Variants in LINC00632 observed in about 807,000 individuals in gnomAD.
The protein encoded by LINC00632 is ALDOA related specific transcript.
chrX:140,788,247 G>A (rs1002120590), exon 5 of LINC00632, among the ~76,000 whole-genome samples: 10 of 110,147 alleles, frequency 9.1e-5, no homozygotes, highest in African/African-American at 2.6e-4. Context: ...TCTAGTACTC[G>A]TGTGTTGGGT....
chrX:140,729,317 T>A (rs1262035211), intron 2 of LINC00632, among the ~76,000 whole-genome samples: 1 of 109,464 alleles, frequency 9.1e-6, no homozygotes, highest in Non-Finnish European at 1.9e-5. Context: ...GGACCGCAAG[T>A]TCCAGAAATG....
intron 3 of LINC00632, among the ~76,000 whole-genome samples, chrX:140,742,858 AG>A (rs1931248599): frequency 1.1e-5 from 1 of 94,123 alleles, no homozygotes; most frequent in Admixed American, 1.2e-4. Flanking sequence ...AGAGAGAGAG[AG>A]AGAGAGAGAG....
At chrX:140,743,506 G>A (rs1297276581) in intron 3 of LINC00632, among the ~76,000 whole-genome samples, 2 of 110,096 alleles carry the variant, frequency 1.8e-5, no homozygotes, top group Admixed American at 2.0e-4. Flanking sequence ...GAATAGTAAT[G>A]CATTTCACTT....
intron 3 of LINC00632, among the ~76,000 whole-genome samples, chrX:140,736,684 C>T (rs182972277): frequency 9.2e-5 from 10 of 108,961 alleles, no homozygotes; most frequent in African/African-American, 3.3e-4. Context: ...ATCCGCCCAT[C>T]TAGGCCTCCC....
intron 3 of LINC00632, among the ~76,000 whole-genome samples, chrX:140,749,275 C>T (rs1931375472): frequency 8.9e-6 from 1 of 111,742 alleles, no homozygotes; most frequent in South Asian, 3.7e-4. Context: ...CTAGATGTTA[C>T]ATTCCAGATA....
chrX:140,720,403 C>G (rs1569347633), intron 2 of LINC00632, among the ~76,000 whole-genome samples: 1 of 111,163 alleles, frequency 9.0e-6, no homozygotes, highest in Non-Finnish European at 1.9e-5. Context: ...CTAGAATGAC[C>G]CCCCAGAAAC....
chrX:140,724,503 C>A (rs1251612461), intron 2 of LINC00632, among the ~76,000 whole-genome samples: 22 of 98,188 alleles, frequency 2.2e-4, no homozygotes, highest in African/African-American at 7.8e-4. Context: ...TCCATACACA[C>A]ACACATTCCA....
exon 5 of LINC00632, among the ~76,000 whole-genome samples, chrX:140,778,595 C>T (rs1462626937): frequency 9.8e-5 from 10 of 101,965 alleles, no homozygotes; most frequent in African/African-American, 3.7e-4. Flanking sequence ...CAGGATGAGA[C>T]TCTGTCTAAA....
At chrX:140,740,545 GT>G (rs1443928467) in intron 3 of LINC00632, among the ~76,000 whole-genome samples, 4 of 105,257 alleles carry the variant, frequency 3.8e-5, no homozygotes, top group South Asian at 4.2e-4. Flanking sequence ...CAAAGTGAAT[GT>G]TTTTTTTTTG....
chrX:140,715,109 A>G (rs1042254065), intron 2 of LINC00632, among the ~76,000 whole-genome samples: 16 of 111,330 alleles, frequency 1.4e-4, no homozygotes, highest in Non-Finnish European at 2.8e-4. Flanking sequence ...GGCTGTAGAG[A>G]CACCTAATCT....
chrX:140,763,538 A>G (rs1931635542), intron 3 of LINC00632, among the ~76,000 whole-genome samples: 1 of 111,760 alleles, frequency 8.9e-6, no homozygotes, highest in African/African-American at 3.3e-5. Context: ...CTGAGACTCA[A>G]TTTTAACTGG....
intron 2 of LINC00632, among the ~76,000 whole-genome samples, chrX:140,727,765 T>C (rs1170356625): frequency 8.9e-6 from 1 of 112,133 alleles, no homozygotes; most frequent in Non-Finnish European, 1.9e-5. Context: ...TGACTTGCCC[T>C]GTATTGCTCA....
chrX:140,714,611 T>C (rs1244001195), intron 2 of LINC00632: 1 of 110,523 alleles, frequency 9.0e-6, no homozygotes, highest in East Asian at 2.9e-4. Context: ...TCACCTGACG[T>C]TGGGAGTTCG....
chrX:140,724,193 CACAG>C (rs760808105), intron 2 of LINC00632, among the ~76,000 whole-genome samples: 1 of 34,729 alleles, frequency 2.9e-5, no homozygotes, highest in East Asian at 9.7e-4. Flanking sequence ...ATTCTGTACA[CACAG>C]ACACACATTC....
chrX:140,740,447 A>T (rs1411140550), intron 3 of LINC00632, among the ~76,000 whole-genome samples: 2 of 111,436 alleles, frequency 1.8e-5, no homozygotes, highest in African/African-American at 6.5e-5. Flanking sequence ...AGAATCAATA[A>T]CATAAAATCG....
chrX:140,759,958 G>T (rs1044556705), intron 3 of LINC00632, among the ~76,000 whole-genome samples: 1 of 111,781 alleles, frequency 8.9e-6, no homozygotes, highest in Non-Finnish European at 1.9e-5. Context: ...TTCAGGAAAG[G>T]CTTGACTCTT....
intron 2 of LINC00632, among the ~76,000 whole-genome samples, chrX:140,723,529 TACACAC>T (rs201313798): frequency 3.6e-5 from 2 of 55,292 alleles, no homozygotes; most frequent in East Asian, 5.0e-4. Flanking sequence ...AAACATTCCA[TACACAC>T]ACACACATTC....
rs1556023996 is a variant in LINC00632 at position 140,742,877 on chromosome X, G to GGA, written n.191+8913_191+8914insGA. 7.8e-3 allele frequency among the ~76,000 whole-genome samples: 741 copies of GGA among 94,431 alleles called. 14 individuals are homozygous for GGA. Among genetic ancestry groups the GGA allele is most frequent in the African/African-American group, 0.028 (685 of 24,387 alleles). The allele number at this position is 94,431 out of a possible 115,157, so 82.0% of individuals were successfully genotyped here. On this transcript the variant is annotated intron_variant and non_coding_transcript_variant, in intron 3 of 4. Coordinates refer to ENST00000648200, the Ensembl canonical transcript of LINC00632. ...AGAGAGAGAGAGAGAGAGAGAGAGA[G>GGA]AGGAAGGAAGGAAGGAAGGAAAGGA...
At chrX:140,713,650 C>G (rs1366064634) in intron 2 of LINC00632, 1 of 340,289 alleles carries the variant, frequency 2.9e-6, no homozygotes, top group Non-Finnish European at 5.9e-6. Context: ...AGTACACACA[C>G]TTGCCTTCCA....
Sources: allele counts gnomAD v4.1 joint callset (sites outside exome capture counted in the v4.1 genomes callset), GRCh38; gene constraint gnomAD v4.1.1; transcripts MANE v1.5; gene names NCBI Gene and HGNC (gene_info 2026-07-23, HGNC 2026-07-21).